IMPG2: variants seen among roughly 807,000 people sequenced by gnomAD.
The protein encoded by IMPG2 is IPM 200.
A neutral mutation model predicts 129.2 loss-of-function variants in IMPG2; 91 were observed. The observed-to-expected ratio is 0.70, with a 90% confidence interval of 0.59 to 0.84. The LOEUF is 0.84. Ranked by LOEUF, IMPG2 falls within the 40% of genes least tolerant of loss-of-function variation. The pLI, the probability that IMPG2 is intolerant of heterozygous loss-of-function variation, is 0.00. For missense variants in IMPG2, 1,430 were observed against 1,461.7 expected (o/e 0.98, Z 0.35); for synonymous variants, 510 against 517.7 (o/e 0.99, Z 0.20).
chr3:101,288,456 C>T (rs1706970101), intron 4 of IMPG2, among the ~76,000 whole-genome samples: 1 of 152,070 alleles, frequency 6.6e-6, no homozygotes, highest in African/African-American at 2.4e-5. Context: ...AATCGAGGTG[C>T]CCATCAATGG....
intron 4 of IMPG2, among the ~76,000 whole-genome samples, chr3:101,290,442 G>A (rs924684521): frequency 8.5e-5 from 13 of 152,162 alleles, no homozygotes; most frequent in African/African-American, 2.9e-4. Context: ...CTGGGAGCAC[G>A]AGGCTGCAGT....
At chr3:101,246,198 C>T (rs1344822145) in intron 11 of IMPG2, 93 bp from the exon 12 acceptor site, 5 of 1,204,998 alleles carry the variant, frequency 4.1e-6, no homozygotes, top group Admixed American at 2.1e-5. Flanking sequence ...ATTCCCAGAT[C>T]TTCTAGGGAC....
At position 101,257,586 on chromosome 3, in the gene IMPG2, A is replaced by C. The variant is rs767581266; in HGVS notation, c.1096T>G (p.Phe366Val). The C allele has an allele frequency of 3.1e-6, 5 of 1,613,356 alleles. No homozygotes were observed. The East Asian group carries it at 1.1e-4, about 36-fold the overall frequency. The change falls in exon 10 of 19, where the codon TTT becomes GTT. Residue 366 changes from phenylalanine (F) to valine (V), a missense_variant. Phe to Val is a conservative substitution (Grantham distance 50, BLOSUM62 -1). Transcript: ENST00000193391. ...DYIAETLQQN[F>V]LLGNSSLNPD... ...TTCAAGGAAGAGTTCCCCAGCAAAA[A>C]ATTCTGCTGCAATGTCTCAGCAATA...
chr3:101,272,331 T>C (rs942515186), intron 7 of IMPG2, among the ~76,000 whole-genome samples: 3 of 152,124 alleles, frequency 2.0e-5, no homozygotes, highest in African/African-American at 7.2e-5. Context: ...AAAGTGACTG[T>C]TGGTAGACAT....
intron 2 of IMPG2, among the ~76,000 whole-genome samples, chr3:101,315,949 C>T (rs2058782126): frequency 6.6e-6 from 1 of 151,732 alleles, no homozygotes; most frequent in African/African-American, 2.4e-5. Flanking sequence ...ATAAGTGGAA[C>T]AGAATGAAGA....
chr3:101,281,076 A>G (rs1000038042), intron 4 of IMPG2, among the ~76,000 whole-genome samples: 4 of 152,198 alleles, frequency 2.6e-5, no homozygotes, highest in Non-Finnish European at 5.9e-5. Flanking sequence ...TACTGAGAAT[A>G]TCACCAGAGA....
At position 101,265,961 on chromosome 3, in the gene IMPG2, T is replaced by C. The variant is rs755694597; in HGVS notation, c.908+1550A>G. Among the ~76,000 whole-genome samples, 112 of 152,210 alleles carry C rather than the reference T, an allele frequency of 7.4e-4. 2 individuals are homozygous for C. The highest frequency in any genetic ancestry group is 3.1e-4 in the Non-Finnish European group (21 of 67,976). On this transcript the variant is annotated intron_variant, in intron 9 of 18. Coordinates refer to ENST00000193391, the MANE Select transcript of IMPG2 (RefSeq NM_016247.4). ...AAATATATTTTAAAATGCTCAACAT[T>C]TTCATCAACAGGGATATGCAAATCA...
intron 11 of IMPG2, 142 bp downstream of exon 11, chr3:101,253,554 A>C: frequency 1.4e-6 from 1 of 692,732 alleles, no homozygotes. Flanking sequence ...GCTGACAGCT[A>C]TGAGTAATGG....
intron 9 of IMPG2, among the ~76,000 whole-genome samples, chr3:101,267,201 A>G (rs1706729492): frequency 6.6e-6 from 1 of 152,242 alleles, no homozygotes. Context: ...TGAAAATTAT[A>G]TAAAATTCAA....
chr3:101,315,520 A>C (rs543195191), intron 2 of IMPG2, among the ~76,000 whole-genome samples: 35 of 152,296 alleles, frequency 2.3e-4, no homozygotes, highest in African/African-American at 8.4e-4. Context: ...TATGGTATAA[A>C]ATTACTTCAG....
At chr3:101,264,045 A>C (rs1299637143) in intron 9 of IMPG2, among the ~76,000 whole-genome samples, 1 of 151,978 alleles carries the variant, frequency 6.6e-6, no homozygotes, top group Non-Finnish European at 1.5e-5. Flanking sequence ...AACCAAAAAG[A>C]AACTGAGCAA....
chr3:101,288,920 T>C (rs1362065037), intron 4 of IMPG2, among the ~76,000 whole-genome samples: 2 of 152,190 alleles, frequency 1.3e-5, no homozygotes, highest in East Asian at 3.8e-4. Flanking sequence ...GTTTTGATAT[T>C]GGTCTGATTG....
Position 101,229,534 on chromosome 3 carries a change from T to C in IMPG2, c.3479A>G (p.Asn1160Ser), listed in dbSNP as rs2107204097. 9 of 1,613,908 alleles carry C rather than the reference T, an allele frequency of 5.6e-6. No individual in the cohort carries two copies. The highest frequency in any genetic ancestry group is 1.7e-4 in the Middle Eastern group (1 of 5,936). The change falls in exon 17 of 19, where the codon AAC becomes AGC. Residue 1160 changes from asparagine to serine, a missense_variant. Transcript: ENST00000193391. ...LSSIENAVKYNPVYESHRAGC... is the reference protein window; with the variant it reads ...LSSIENAVKYSPVYESHRAGC... ...AGCCCTGTGACTTTCATACACGGGG[T>C]TGTACTTCACAGCATTCTCAATAGA...
intron 2 of IMPG2, among the ~76,000 whole-genome samples, chr3:101,306,753 T>G (rs1338116193): frequency 6.6e-6 from 1 of 152,094 alleles, no homozygotes; most frequent in Non-Finnish European, 1.5e-5. Context: ...AAAAATGATT[T>G]GAAATATTAG....
intron 5 of IMPG2, 46 bp downstream of exon 5, chr3:101,276,618 C>G: frequency 3.0e-6 from 4 of 1,316,810 alleles, no homozygotes; most frequent in Non-Finnish European, 4.4e-6. Flanking sequence ...TGTCTTAAAC[C>G]ATAAATAATT....
Position 101,242,987 on chromosome 3 carries a change from AAC to A in IMPG2, c.2803-82_2803-81del. 3 of 1,126,706 alleles carry A rather than the reference AAC, an allele frequency of 2.7e-6. No homozygotes were observed. The South Asian group carries it at 3.8e-5, about 14-fold the overall frequency. 69.8% of individuals were successfully genotyped at this position (1,126,706 alleles called of 1,614,324 possible). A position where few individuals can be genotyped will look rare whatever the true frequency, so the allele number is the denominator to read the frequency against. The stretch of plus-strand genomic sequence containing the variant: ...ACATACCCAAACAAAACAAAACAAA[AAC>A]ACAGGTAAGACCCTGCCTCACTTTT... On this transcript the variant is annotated intron_variant, in intron 13 of 18. Transcript: ENST00000193391.
intron 2 of IMPG2, among the ~76,000 whole-genome samples, chr3:101,312,072 C>G (rs965133337): frequency 1.3e-5 from 2 of 151,658 alleles, no homozygotes; most frequent in Non-Finnish European, 2.9e-5. Context: ...ACGTACACAC[C>G]AAAACTATAA....
chr3:101,246,548 G>A (rs934688140), intron 11 of IMPG2, among the ~76,000 whole-genome samples: 4 of 152,156 alleles, frequency 2.6e-5, no homozygotes, highest in Admixed American at 6.5e-5. Flanking sequence ...ATTCTGAAAA[G>A]ATAATTAGTT....
chr3:101,277,161 G>A (rs1706847846), intron 4 of IMPG2, among the ~76,000 whole-genome samples: 2 of 152,160 alleles, frequency 1.3e-5, no homozygotes, highest in Non-Finnish European at 2.9e-5. Flanking sequence ...GTGCTTAATA[G>A]CTGCATGTGG....
Sources: gnomAD v4.1 joint callset for allele counts (sites outside exome capture counted in the v4.1 genomes callset) on GRCh38, gnomAD v4.1.1 for gene constraint, MANE v1.5 for transcripts, NCBI Gene and HGNC (gene_info 2026-07-23, HGNC 2026-07-21) for gene names.